Variants in ATRX observed in about 807,000 individuals in gnomAD.
ATRX encodes the protein ATRX chromatin remodeler, also known as chromatin remodeler ATRX.
ATRX carries 12 observed loss-of-function variants against 172.6 expected under a neutral mutation model. The observed-to-expected ratio is 0.07, with a 90% CI of 0.04 to 0.11. The LOEUF (loss-of-function observed/expected upper bound fraction) is 0.11, where lower values mean the gene tolerates loss of function less well. ATRX is among the 10% of genes least tolerant of loss of function. ATRX has a pLI of 1.00. For missense variants in ATRX, 1,368 were observed against 1,767.4 expected (o/e 0.77, Z 4.05); for synonymous variants, 674 against 594.7 (o/e 1.13, Z -1.94).
At chrX:77,620,607 A>C in intron 19 of ATRX, 75 bp from the exon 20 acceptor site, 1 of 959,297 alleles carries the variant, frequency 1.0e-6, no homozygotes, top group Non-Finnish European at 1.5e-6. Flanking sequence ...AAGTAAATAA[A>C]GTTAATCCCT....
chrX:77,590,520 G>A (rs899168430), intron 26 of ATRX, among the ~76,000 whole-genome samples: 1 of 107,024 alleles, frequency 9.3e-6, no homozygotes, highest in Admixed American at 1.0e-4. Context: ...GCTGAGGTAG[G>A]AGAATGGCGT....
intron 1 of ATRX, among the ~76,000 whole-genome samples, chrX:77,723,866 T>A (rs1357987628): frequency 3.6e-5 from 4 of 112,049 alleles, no homozygotes; most frequent in South Asian, 3.7e-4. Context: ...ATCATAGCAA[T>A]CAAATTGCAA....
chrX:77,580,124 A>T (rs782792803), intron 27 of ATRX, among the ~76,000 whole-genome samples: 44 of 111,917 alleles, frequency 3.9e-4, no homozygotes, highest in African/African-American at 1.4e-3. Flanking sequence ...CACAGGAGAC[A>T]AAAGAGAAAA....
intron 1 of ATRX, among the ~76,000 whole-genome samples, chrX:77,724,915 C>T (rs2073960453): frequency 8.9e-6 from 1 of 111,955 alleles, no homozygotes; most frequent in Admixed American, 9.5e-5. Context: ...TTCAAACACA[C>T]CAAACCAAGT....
chrX:77,575,522 G>T (rs1297047800), intron 27 of ATRX: 1 of 111,054 alleles, frequency 9.0e-6, no homozygotes, highest in East Asian at 2.8e-4. Flanking sequence ...AAAATGATAT[G>T]ACTATTTTAA....
At chrX:77,704,959 GAGGCCC>G (rs1205710314) in intron 2 of ATRX, among the ~76,000 whole-genome samples, 1 of 110,538 alleles carries the variant, frequency 9.0e-6, no homozygotes, top group Non-Finnish European at 1.9e-5. Flanking sequence ...CATAAAGCAG[GAGGCCC>G]AGGTCTATAC....
intron 34 of ATRX, among the ~76,000 whole-genome samples, chrX:77,514,248 C>A (rs1020866437): frequency 9.8e-5 from 11 of 111,721 alleles, no homozygotes; most frequent in South Asian, 7.5e-4. Context: ...ATAAACTAGA[C>A]AAAACTATTT....
At chrX:77,717,955 C>T (rs1446597415) in intron 1 of ATRX, among the ~76,000 whole-genome samples, 2 of 111,542 alleles carry the variant, frequency 1.8e-5, no homozygotes, top group African/African-American at 3.3e-5. Flanking sequence ...TGCTATTTCA[C>T]AACAAATAGC....
chrX:77,612,196 G>A (rs1183187922), intron 22 of ATRX, among the ~76,000 whole-genome samples: 1 of 110,562 alleles, frequency 9.0e-6, no homozygotes, highest in Non-Finnish European at 1.9e-5. Flanking sequence ...CACCTGTAGG[G>A]CTCATAAAAC....
intron 27 of ATRX, among the ~76,000 whole-genome samples, chrX:77,577,348 G>T (rs1333328732): frequency 9.0e-6 from 1 of 111,111 alleles, no homozygotes; most frequent in African/African-American, 3.3e-5. Context: ...GTTTTCATTT[G>T]CATTTCCCTA....
intron 7 of ATRX, among the ~76,000 whole-genome samples, chrX:77,685,923 G>A (rs1436590743): frequency 1.8e-5 from 2 of 112,115 alleles, no homozygotes; most frequent in Non-Finnish European, 3.8e-5. Flanking sequence ...ATTATGTTAA[G>A]TGAAATAAGC....
chrX:77,761,342 A>G (rs1329083845), intron 1 of ATRX, among the ~76,000 whole-genome samples: 4 of 110,173 alleles, frequency 3.6e-5, no homozygotes, highest in African/African-American at 9.9e-5. Context: ...GTTCAATACC[A>G]GCCTGGGCAA....
chrX:77,532,232 G>A (rs782425957), intron 30 of ATRX, among the ~76,000 whole-genome samples: 30 of 110,733 alleles, frequency 2.7e-4, no homozygotes, highest in African/African-American at 9.9e-4. Context: ...CAGATTCAAT[G>A]CTATTCCCAT....
chrX:77,558,086 C>A (rs1264193335), intron 29 of ATRX, among the ~76,000 whole-genome samples: 1 of 110,471 alleles, frequency 9.1e-6, no homozygotes, highest in Non-Finnish European at 1.9e-5. Context: ...GCCTTTATAT[C>A]GTTTTATTTT....
intron 30 of ATRX, among the ~76,000 whole-genome samples, chrX:77,523,802 C>T: frequency 9.0e-6 from 1 of 111,565 alleles, no homozygotes; most frequent in Non-Finnish European, 1.9e-5. Flanking sequence ...ACATCATAAA[C>T]AACTTTATTT....
intron 34 of ATRX, among the ~76,000 whole-genome samples, chrX:77,515,114 G>A (rs1329726778): frequency 9.0e-6 from 1 of 111,706 alleles, no homozygotes; most frequent in Non-Finnish European, 1.9e-5. Flanking sequence ...TGCTGGTGAG[G>A]TTGTAGAGAA....
At chrX:77,692,374 T>C (rs1362608937) in intron 6 of ATRX, among the ~76,000 whole-genome samples, 2 of 112,051 alleles carry the variant, frequency 1.8e-5, no homozygotes, top group Non-Finnish European at 3.8e-5. Flanking sequence ...AAAGATTCCT[T>C]ATGCTCAAAA....
intron 15 of ATRX, among the ~76,000 whole-genome samples, chrX:77,638,308 A>G (rs1264708579): frequency 8.9e-6 from 1 of 111,947 alleles, no homozygotes; most frequent in African/African-American, 3.3e-5. Flanking sequence ...CTAAAAATAC[A>G]ATAACAACAA....
chrX:77,533,593 G>A (rs1237967634), intron 30 of ATRX, among the ~76,000 whole-genome samples: 1 of 110,915 alleles, frequency 9.0e-6, no homozygotes, highest in Non-Finnish European at 1.9e-5. Context: ...AGAACACATG[G>A]ACACATGGAG....
Sources: gnomAD v4.1 joint callset for allele counts (sites outside exome capture counted in the v4.1 genomes callset) on GRCh38, gnomAD v4.1.1 for gene constraint, MANE v1.5 for transcripts, NCBI Gene and HGNC (gene_info 2026-07-23, HGNC 2026-07-21) for gene names.